The following BCKDHB variants were observed in gnomAD, a reference collection of about 807,000 sequenced individuals.
BCKDHB encodes 2-oxoisovalerate dehydrogenase subunit beta, mitochondrial.
In BCKDHB, 41 loss-of-function variants were observed where a neutral mutation model predicts 48.5. The ratio of observed to expected loss-of-function variants is 0.85; its 90% CI spans 0.66 to 1.10. The LOEUF (loss-of-function observed/expected upper bound fraction) is 1.10, where lower values mean the gene tolerates loss of function less well. Among genes scored for constraint, BCKDHB ranks in the 50% least tolerant of loss-of-function variants. The pLI is 0.00. For synonymous variants in BCKDHB, 201 were observed against 174.8 expected (o/e 1.15, Z -1.18); for missense variants, 496 against 494.2 (o/e 1.00, Z -0.03).
intron 6 of BCKDHB, among the ~76,000 whole-genome samples, chr6:80,189,343 A>G (rs1773790328): frequency 6.6e-6 from 1 of 152,176 alleles, no homozygotes; most frequent in Non-Finnish European, 1.5e-5. Flanking sequence ...ATAATTTCTC[A>G]CTTGACCCTT....
At chr6:80,421,904 A>G in the BCKDHB span, among the ~76,000 whole-genome samples, 2 of 152,224 alleles carry the variant, frequency 1.3e-5, no homozygotes, top group South Asian at 4.1e-4. Context: ...CTGCAGCGTG[A>G]CCATGAGGTA....
At chr6:80,188,385 A>T (rs1407785138) in intron 6 of BCKDHB, among the ~76,000 whole-genome samples, 1 of 152,152 alleles carries the variant, frequency 6.6e-6, no homozygotes, top group Admixed American at 6.5e-5. Flanking sequence ...GGTGAGGATC[A>T]GAATAATACC....
At chr6:80,446,811 G>C in the BCKDHB span, among the ~76,000 whole-genome samples, 2 of 146,658 alleles carry the variant, frequency 1.4e-5, no homozygotes. Context: ...TTTATCACAG[G>C]CTTGTAATGT....
At chr6:80,298,111 ATTTC>A (rs987887457) in intron 9 of BCKDHB, among the ~76,000 whole-genome samples, 1 of 151,792 alleles carries the variant, frequency 6.6e-6, no homozygotes, top group South Asian at 2.1e-4. Context: ...GCCCTTTTAA[ATTTC>A]TTTCTTTTTT....
At chr6:80,303,611 C>T (rs556272897) in intron 9 of BCKDHB, among the ~76,000 whole-genome samples, 7 of 151,950 alleles carry the variant, frequency 4.6e-5, no homozygotes, top group East Asian at 1.9e-4. Flanking sequence ...ATTATAAATC[C>T]GTGTGAAATT....
intron 9 of BCKDHB, among the ~76,000 whole-genome samples, chr6:80,303,948 G>A (rs548211447): frequency 1.3e-5 from 2 of 151,950 alleles, no homozygotes; most frequent in Admixed American, 1.3e-4. Context: ...AATTTAATAG[G>A]GAAAAAGTAA....
chr6:80,171,537 C>A, intron 6 of BCKDHB, 147 bp downstream of exon 6: 1 of 564,042 alleles, frequency 1.8e-6, no homozygotes, highest in Non-Finnish European at 3.1e-6. Flanking sequence ...TTAGTTTGTC[C>A]TCAGGTGTAA....
Position 80,106,871 on chromosome 6 carries a change from C to T in BCKDHB, c.178C>T (p.Pro60Ser). The T allele has an allele frequency of 6.2e-7, 1 of 1,608,334 alleles. No homozygotes were observed. Among genetic ancestry groups the T allele is most frequent in the Non-Finnish European group, 8.5e-7 (1 of 1,178,144 alleles). Residue 60 changes from proline to serine, a missense_variant, in exon 1 of 10, where the codon CCG becomes TCG. Physicochemically the swap from Pro to Ser is moderately conservative, Grantham distance 74. Transcript: ENST00000320393. ...QVAHFTFQPD[P>S]EPREYGQTQK... Reference sequence around the variant, plus strand: ...GGCTCATTTTACTTTCCAGCCAGATCCGGAGCCCCGGGAGTACGGTGAGCC... The same window carrying T: ...GGCTCATTTTACTTTCCAGCCAGATTCGGAGCCCCGGGAGTACGGTGAGCC...
the BCKDHB span, among the ~76,000 whole-genome samples, chr6:80,423,671 C>T: frequency 5.3e-5 from 8 of 152,188 alleles, no homozygotes; most frequent in Non-Finnish European, 8.8e-5. Context: ...TATATCTCTG[C>T]TCTATTCTTG....
At chr6:80,277,820 T>A (rs901849490) in intron 9 of BCKDHB, among the ~76,000 whole-genome samples, 2 of 152,122 alleles carry the variant, frequency 1.3e-5, no homozygotes, top group African/African-American at 4.8e-5. Context: ...ATATATTTTT[T>A]AAGATTATCA....
chr6:80,155,276 AT>A (rs1771986639), intron 3 of BCKDHB, among the ~76,000 whole-genome samples: 1 of 152,134 alleles, frequency 6.6e-6, no homozygotes, highest in South Asian at 2.1e-4. Context: ...TCAAAGACTT[AT>A]TACATTCAGA....
chr6:80,378,840 T>C, the BCKDHB span, among the ~76,000 whole-genome samples: 9 of 152,146 alleles, frequency 5.9e-5, no homozygotes, highest in Admixed American at 3.9e-4. Flanking sequence ...CTGACTGATA[T>C]AATATCTCAT....
chr6:80,197,554 C>T (rs533917307), intron 6 of BCKDHB, among the ~76,000 whole-genome samples: 5 of 152,130 alleles, frequency 3.3e-5, no homozygotes, highest in Non-Finnish European at 5.9e-5. Flanking sequence ...GCCAAGATGC[C>T]AACCCATTTC....
chr6:80,250,121 C>T lies in BCKDHB; in HGVS notation c.952-23014C>T, dbSNP rs186329461. ...AGTTAGTATCCTGTTTTAGTTGGCT[C>T]TCCTTCTTCTCTGACCTCTGCCGGC... On this transcript the variant is annotated intron_variant, in intron 8 of 9. Coordinates refer to ENST00000320393, the MANE Select transcript of BCKDHB (RefSeq NM_183050.4). Among the ~76,000 whole-genome samples, 297 of 152,208 alleles carry T rather than the reference C, an allele frequency of 2.0e-3. 3 individuals carry two copies. The highest frequency in any genetic ancestry group is 7.0e-3 in the African/African-American group (290 of 41,538).
At chr6:80,354,388 C>T in the BCKDHB span, among the ~76,000 whole-genome samples, 6 of 152,202 alleles carry the variant, frequency 3.9e-5, no homozygotes, top group African/African-American at 1.4e-4. Flanking sequence ...CCATCATGCC[C>T]AGCTAATTTT....
At chr6:80,150,054 C>T (rs1002026736) in intron 3 of BCKDHB, among the ~76,000 whole-genome samples, 6 of 151,810 alleles carry the variant, frequency 4.0e-5, no homozygotes, top group Non-Finnish European at 7.4e-5. Context: ...CAAGTTTTTT[C>T]CCCCATATTC....
At chr6:80,222,262 A>G (rs1317633811) in intron 8 of BCKDHB, among the ~76,000 whole-genome samples, 1 of 152,202 alleles carries the variant, frequency 6.6e-6, no homozygotes, top group African/African-American at 2.4e-5. Flanking sequence ...AAGTTTACCT[A>G]ATTTTATATG....
chr6:80,331,126 G>C (rs2128009066), intron 9 of BCKDHB, among the ~76,000 whole-genome samples: 1 of 152,190 alleles, frequency 6.6e-6, no homozygotes, highest in East Asian at 1.9e-4. Flanking sequence ...GGAAAAGTTA[G>C]TTGCCATAGT....
At chr6:80,268,309 A>G (rs2127958630) in intron 8 of BCKDHB, among the ~76,000 whole-genome samples, 1 of 152,176 alleles carries the variant, frequency 6.6e-6, no homozygotes, top group East Asian at 1.9e-4. Context: ...TGTATAAATA[A>G]TATGTTCTTG....
Sources: gnomAD v4.1 joint callset for allele counts (sites outside exome capture counted in the v4.1 genomes callset) on GRCh38, gnomAD v4.1.1 for gene constraint, MANE v1.5 for transcripts, NCBI Gene and HGNC (gene_info 2026-07-23, HGNC 2026-07-21) for gene names.